Variants in MAP3K14 observed in about 807,000 individuals in gnomAD.
MAP3K14 encodes the protein mitogen-activated protein kinase kinase kinase 14.
Under a neutral mutation model 99.2 loss-of-function variants are expected in MAP3K14, and 16 were observed. That is an observed-to-expected ratio of 0.16 (90% CI 0.11 to 0.24). MAP3K14 has a LOEUF of 0.24. Among genes scored for constraint, MAP3K14 ranks in the 10% least tolerant of loss-of-function variants. The pLI, the probability that MAP3K14 is intolerant of heterozygous loss-of-function variation, is 1.00. For missense variants in MAP3K14, 784 were observed against 1,208.7 expected (o/e 0.65, Z 5.21); for synonymous variants, 462 against 492.4 (o/e 0.94, Z 0.82).
At chr17:45,270,036 G>A (rs1368394535) in intron 11 of MAP3K14, among the ~76,000 whole-genome samples, 2 of 152,182 alleles carry the variant, frequency 1.3e-5, no homozygotes, top group African/African-American at 4.8e-5. Flanking sequence ...CAGGTAGATA[G>A]TGTTGGAACA....
At chr17:45,281,206 C>T (rs1157694713) in intron 6 of MAP3K14, among the ~76,000 whole-genome samples, 1 of 151,408 alleles carries the variant, frequency 6.6e-6, no homozygotes, top group East Asian at 1.9e-4. Flanking sequence ...AAGCGATCCT[C>T]CCACCTCAGT....
At position 45,302,169 on chromosome 17, in the gene MAP3K14, T is replaced by A. The variant is rs74253618; in HGVS notation, c.-20-11404A>T. Among the ~76,000 whole-genome samples the A allele has an allele frequency of 3.5e-4, 24 of 67,942 alleles. No individual in the cohort carries two copies. The East Asian group carries it at 5.4e-3, about 15-fold the overall frequency. 44.6% of individuals were successfully genotyped at this position (67,942 alleles called of 152,430 possible). A position where few individuals can be genotyped will look rare whatever the true frequency, so the allele number is the denominator to read the frequency against. ...TTAACAGATAATGTTTCTAAGTGGT[T>A]AAAAAAAAAAATACAGAAGGGGTGC... On this transcript the variant is annotated intron_variant, in intron 1 of 15. Transcript: ENST00000344686.
rs769147795 is a variant in MAP3K14, at chr17:45,286,523, T to A, written c.1060A>T (p.Thr354Ser). The A allele has an allele frequency of 6.2e-7, 1 of 1,608,668 alleles. No individual in the cohort carries two copies. Among genetic ancestry groups the A allele is most frequent in the East Asian group, 2.2e-5 (1 of 44,754 alleles). ...GCTGCCCAGGTCTTGGCCAGGCTGG[T>A]CAGGCTGTGGGCCTGGCCTGAGCTC... is the stretch of plus-strand genomic sequence containing the variant. ...SVSSGQAHSL[T>S]SLAKTWAARG... is the part of the protein sequence containing the mutation. Residue 354 changes from threonine (T) to serine (S), a missense_variant, in exon 5 of 16, where the codon ACC becomes TCC. Physicochemically the swap from Thr to Ser is moderately conservative, Grantham distance 58 (BLOSUM62 1). Transcript: ENST00000344686. This position sits in a 1 kb window ranked among gnomAD's most constrained non-coding sequence, Gnocchi z 4.1.
chr17:45,308,759 C>T (rs748678390), intron 1 of MAP3K14, among the ~76,000 whole-genome samples: 1 of 151,882 alleles, frequency 6.6e-6, no homozygotes, highest in Non-Finnish European at 1.5e-5. Context: ...CCTCTGCCTC[C>T]CAGGTTCAAG....
At position 45,286,333 on chromosome 17, in the gene MAP3K14, A is replaced by C; in HGVS notation, c.1152+98T>G. ...ACAATGAGCACTGTCCTACTGTTTG[A>C]TTTGTCACCACAGGCAAGAGTGACT... On this transcript the variant is annotated intron_variant, in intron 5 of 15. Transcript: ENST00000344686. The surrounding 1 kb of genome is among the most constrained non-coding windows in gnomAD (Gnocchi z 4.1). 7.2e-7 allele frequency: 1 copy of C among 1,382,258 alleles called. No homozygotes were observed. Among genetic ancestry groups the C allele is most frequent in the Non-Finnish European group, 9.7e-7 (1 of 1,035,022 alleles). The allele number at this position is 1,382,258 out of a possible 1,614,324, so 85.6% of individuals were successfully genotyped here.
intron 2 of MAP3K14, 82 bp from the exon 3 acceptor site, chr17:45,289,387 C>A: frequency 9.2e-7 from 1 of 1,084,760 alleles, no homozygotes; most frequent in Non-Finnish European, 1.4e-6. Context: ...TACAGAGATC[C>A]CCTCTGGCGC....
At chr17:45,279,626 T>C (rs2044205353) in intron 6 of MAP3K14, among the ~76,000 whole-genome samples, 1 of 151,810 alleles carries the variant, frequency 6.6e-6, no homozygotes, top group African/African-American at 2.4e-5. Flanking sequence ...GGTTTCACTG[T>C]GTTAGCCAGG....
At position 45,289,708 on chromosome 17, in the gene MAP3K14, A is replaced by C. The variant is rs34813045; in HGVS notation, c.257-403T>G. Among the ~76,000 whole-genome samples, 376 of 152,306 alleles carry C rather than the reference A, an allele frequency of 2.5e-3. 1 individual carries two copies. The highest frequency in any genetic ancestry group is 8.6e-3 in the African/African-American group (356 of 41,560). ...GTGTGGATATATGTGTATTTTTTTA[A>C]AACAATTATTATGTCACTCTCTGTA... On this transcript the variant is annotated intron_variant, in intron 2 of 15. Coordinates refer to ENST00000344686, the MANE Select transcript of MAP3K14 (RefSeq NM_003954.5).
chr17:45,266,391 G>A, intron 14 of MAP3K14, 146 bp downstream of exon 14: 1 of 1,048,836 alleles, frequency 9.5e-7, no homozygotes, highest in Non-Finnish European at 1.4e-6. Flanking sequence ...CCAACTTACT[G>A]GCCAGGAACC....
intron 14 of MAP3K14, 140 bp from the exon 15 acceptor site, chr17:45,265,403 C>T (rs1304791353): frequency 1.3e-5 from 8 of 636,718 alleles, no homozygotes; most frequent in Non-Finnish European, 2.3e-5. Context: ...TGTGATGGAG[C>T]AGCAGAGATA....
intron 1 of MAP3K14, among the ~76,000 whole-genome samples, chr17:45,309,990 G>T (rs1410157264): frequency 6.6e-6 from 1 of 151,236 alleles, no homozygotes; most frequent in Non-Finnish European, 1.5e-5. Context: ...AAGGAGTCTG[G>T]TGGGTCCAAT....
At chr17:45,293,249 G>A (rs1395384299) in intron 1 of MAP3K14, among the ~76,000 whole-genome samples, 1 of 152,218 alleles carries the variant, frequency 6.6e-6, no homozygotes, top group Non-Finnish European at 1.5e-5. Context: ...GCTGCTCTGA[G>A]GGGCACGTGG....
chr17:45,271,170 C>G lies in MAP3K14; in HGVS notation c.1709G>C (p.Gly570Ala). The change falls in exon 10 of 16, where the codon GGC becomes GCC. Residue 570 changes from glycine to alanine, a missense_variant. Around this residue, in one of 5 missense-constraint regions of MAP3K14, gnomAD observed 200 missense variants for 367.9 expected, o/e 0.54. Coordinates refer to ENST00000344686, the MANE Select transcript of MAP3K14 (RefSeq NM_003954.5). ...ETHMAPEVVL[G>A]RSCDAKVDVW... Reference sequence around the variant, plus strand: ...ATCCACCTTGGCGTCGCAGCTCCTGCCCAGCACCACCTCCGGAGCCATGTG... The same window carrying G: ...ATCCACCTTGGCGTCGCAGCTCCTGGCCAGCACCACCTCCGGAGCCATGTG... 6.2e-7 allele frequency: 1 copy of G among 1,613,492 alleles called. No homozygotes were observed. The highest frequency in any genetic ancestry group is 8.5e-7 in the Non-Finnish European group (1 of 1,179,774).
Position 45,264,948 on chromosome 17 carries a change from C to T in MAP3K14, c.2680-148G>A, listed in dbSNP as rs573833618. The T allele has an allele frequency of 2.5e-5, 23 of 920,754 alleles. No homozygotes were observed. In the South Asian group the frequency reaches 3.5e-4, roughly 14 times the overall value. 57.0% of individuals were successfully genotyped at this position (920,754 alleles called of 1,614,324 possible). On this transcript the variant is annotated intron_variant, in intron 15 of 15. Transcript: ENST00000344686. ...ACGGGACTCAGAGAATCCCACCCGGCTCAAGTGTAGGTCTGGAGGACCTCT... is the reference window on the plus strand; with the variant it reads ...ACGGGACTCAGAGAATCCCACCCGGTTCAAGTGTAGGTCTGGAGGACCTCT...
intron 3 of MAP3K14, 50 bp downstream of exon 3, chr17:45,289,186 C>A (rs375481928): frequency 6.4e-7 from 1 of 1,552,126 alleles, no homozygotes; most frequent in South Asian, 1.1e-5. Flanking sequence ...GGGACGAGGG[C>A]GCTGGGTCCA....
At chr17:45,284,990 G>A in intron 5 of MAP3K14, 41 bp from the exon 6 acceptor site, 1 of 1,545,560 alleles carries the variant, frequency 6.5e-7, no homozygotes, top group Non-Finnish European at 8.8e-7. Flanking sequence ...CAGTGGCCAG[G>A]GCAGCAGAGG....
chr17:45,267,186 T>C lies in MAP3K14; in HGVS notation c.2339A>G (p.Asn780Ser), dbSNP rs1229000784. The C allele has an allele frequency of 1.3e-6, 2 of 1,594,084 alleles. No homozygotes were observed. Among genetic ancestry groups the C allele is most frequent in the Non-Finnish European group, 1.7e-6 (2 of 1,170,004 alleles). The change falls in exon 13 of 16, where the codon AAC (asparagine) becomes AGC (serine). Residue 780 changes from asparagine to serine, a missense_variant. Physicochemically the swap from Asn to Ser is conservative, Grantham distance 46. This residue lies in a region of MAP3K14 where 128 missense variants were observed against 143.3 expected (regional missense o/e 0.89). Coordinates refer to ENST00000344686, the MANE Select transcript of MAP3K14 (RefSeq NM_003954.5). The surrounding 1 kb of genome is among the most constrained non-coding windows in gnomAD (Gnocchi z 5.1). ...CAGAGAAAATGGCTGGGACAGGCTG[T>C]TGAGGAATAATTCTGCAGGGAAAAG... ...LQQLEIELFL[N>S]SLSQPFSLEE... is the part of the protein sequence containing the mutation.
intron 2 of MAP3K14, 68 bp downstream of exon 2, chr17:45,290,422 C>A (rs1228986692): frequency 1.3e-6 from 2 of 1,588,694 alleles, no homozygotes; most frequent in East Asian, 2.3e-5. Context: ...TAGGGAACCC[C>A]TGGGCCCAGC....
At chr17:45,301,657 C>T (rs540204969) in intron 1 of MAP3K14, among the ~76,000 whole-genome samples, 6 of 151,952 alleles carry the variant, frequency 3.9e-5, no homozygotes, top group South Asian at 2.1e-4. Flanking sequence ...ATCTAAAATA[C>T]GACCCTATAT....
Sources: gnomAD v4.1 joint callset for allele counts (sites outside exome capture counted in the v4.1 genomes callset) on GRCh38, gnomAD v4.1.1 for gene constraint, gnomAD v4.1.1 regional missense constraint, Gnocchi (gnomAD v3.1) non-coding constraint, MANE v1.5 for transcripts, NCBI Gene and HGNC (gene_info 2026-07-23, HGNC 2026-07-21) for gene names.